Variants in NDST3 observed in about 807,000 individuals in gnomAD.
The protein encoded by NDST3 is bifunctional heparan sulfate N-deacetylase/N-sulfotransferase 3.
NDST3 carries 58 observed loss-of-function variants against 96.1 expected under a neutral mutation model. The ratio of observed to expected loss-of-function variants is 0.60; its 90% CI spans 0.49 to 0.75. The LOEUF is 0.75. NDST3 is among the 30% of genes least tolerant of loss of function. The pLI, the probability that NDST3 is intolerant of heterozygous loss-of-function variation, is 0.00. For missense variants in NDST3, 788 were observed against 1,034.2 expected (o/e 0.76, Z 3.27); for synonymous variants, 333 against 359.7 (o/e 0.93, Z 0.84).
chr4:118,058,446 A>AAAAC (rs1491131261), intron 2 of NDST3, among the ~76,000 whole-genome samples: 1 of 145,984 alleles, frequency 6.9e-6, no homozygotes, highest in Admixed American at 7.0e-5. Context: ...AAAAAAAAAA[A>AAAAC]CAGACCTAAG....
intron 6 of NDST3, among the ~76,000 whole-genome samples, chr4:118,176,751 C>T (rs1319532065): frequency 6.6e-6 from 1 of 152,110 alleles, no homozygotes. Context: ...CTTTGTAAGC[C>T]ATAACCCTTT....
At chr4:118,111,801 T>C (rs1730663911) in intron 3 of NDST3, among the ~76,000 whole-genome samples, 1 of 152,068 alleles carries the variant, frequency 6.6e-6, no homozygotes, top group Non-Finnish European at 1.5e-5. Flanking sequence ...AACTCTTGCA[T>C]GATTCAAATA....
intron 1 of NDST3, among the ~76,000 whole-genome samples, chr4:118,041,750 A>G (rs2110426369): frequency 6.6e-6 from 1 of 152,338 alleles, no homozygotes; most frequent in Non-Finnish European, 1.5e-5. Context: ...GAACATATTC[A>G]TCACTATACT....
chr4:118,218,828 G>A (rs753474681), intron 6 of NDST3, among the ~76,000 whole-genome samples: 19 of 152,122 alleles, frequency 1.2e-4, no homozygotes, highest in Non-Finnish European at 2.5e-4. Context: ...AAGCTGATAA[G>A]TAACTTCAGC....
intron 1 of NDST3, among the ~76,000 whole-genome samples, chr4:118,047,040 A>T (rs2110434819): frequency 6.6e-6 from 1 of 152,350 alleles, no homozygotes; most frequent in East Asian, 1.9e-4. Flanking sequence ...GCACAGCTGC[A>T]AATGTGAGAA....
intron 6 of NDST3, among the ~76,000 whole-genome samples, chr4:118,212,982 T>C (rs1400059166): frequency 6.6e-6 from 1 of 152,212 alleles, no homozygotes; most frequent in Non-Finnish European, 1.5e-5. Context: ...TCTGGAGCTG[T>C]TAAAGCTAAC....
At chr4:118,042,760 ATGT>A (rs1724539482) in intron 1 of NDST3, among the ~76,000 whole-genome samples, 1 of 152,212 alleles carries the variant, frequency 6.6e-6, no homozygotes, top group Non-Finnish European at 1.5e-5. Flanking sequence ...TTTGCCTGAC[ATGT>A]TGTCCCCATC....
At chr4:118,057,404 C>A (rs749924841) in intron 2 of NDST3, among the ~76,000 whole-genome samples, 8 of 151,990 alleles carry the variant, frequency 5.3e-5, no homozygotes, top group Non-Finnish European at 1.0e-4. Flanking sequence ...ATTTCAAATT[C>A]ATCATCCTAT....
chr4:118,149,356 T>C (rs1734206051), intron 6 of NDST3, among the ~76,000 whole-genome samples: 1 of 152,104 alleles, frequency 6.6e-6, no homozygotes, highest in Non-Finnish European at 1.5e-5. Context: ...AGTATGGCCA[T>C]TTTCACGATA....
At chr4:118,231,367 T>C (rs1402779552) in intron 8 of NDST3, among the ~76,000 whole-genome samples, 1 of 150,296 alleles carries the variant, frequency 6.7e-6, no homozygotes, top group Non-Finnish European at 1.5e-5. Context: ...ATAATAATAC[T>C]ATTTAAGTAA....
intron 8 of NDST3, among the ~76,000 whole-genome samples, chr4:118,232,305 G>A (rs1374949151): frequency 6.6e-6 from 1 of 152,002 alleles, no homozygotes; most frequent in African/African-American, 2.4e-5. Flanking sequence ...GAAAATCTAT[G>A]AAATAAGTAG....
chr4:118,078,158 C>T (rs1047119925), intron 2 of NDST3, among the ~76,000 whole-genome samples: 1 of 152,166 alleles, frequency 6.6e-6, no homozygotes, highest in Non-Finnish European at 1.5e-5. Flanking sequence ...CTTCTGGCCT[C>T]TGCACTCAGC....
chr4:118,166,337 C>A (rs1735551066), intron 6 of NDST3, among the ~76,000 whole-genome samples: 1 of 151,666 alleles, frequency 6.6e-6, no homozygotes, highest in African/African-American at 2.4e-5. Context: ...ACATACAACC[C>A]CCAAGACTTC....
intron 12 of NDST3, among the ~76,000 whole-genome samples, chr4:118,243,766 G>C (rs183793533): frequency 4.0e-4 from 61 of 152,272 alleles, no homozygotes; most frequent in African/African-American, 1.5e-3. Flanking sequence ...TATAAAGACA[G>C]AGTTGCTTTT....
chr4:118,054,661 G>A lies in NDST3; in HGVS notation c.751G>A (p.Gly251Ser), dbSNP rs367903213. The A allele has an allele frequency of 1.1e-5, 17 of 1,613,100 alleles. No homozygotes were observed. Among genetic ancestry groups the A allele is most frequent in the South Asian group, 1.1e-5 (1 of 91,060 alleles). ...AAACCTTTCTCCTTCCATCTCTAAA[G>A]GTGCTTTTTATGCCACTATTATACA... ...PENLSPSISK[G>S]AFYATIIHDL... The change falls in exon 2 of 14, where the codon GGT (glycine) becomes AGT (serine). Residue 251 changes from glycine to serine, a missense_variant. By Grantham distance (56) the Gly-to-Ser change is moderately conservative (BLOSUM62 0). Transcript: ENST00000296499.
chr4:118,038,197 G>A (rs562866796), intron 1 of NDST3, among the ~76,000 whole-genome samples: 4 of 152,240 alleles, frequency 2.6e-5, no homozygotes, highest in East Asian at 1.9e-4. Context: ...ATATGTCAGC[G>A]TATTTTGATG....
Position 118,224,582 on chromosome 4 carries a change from G to A in NDST3, c.1631G>A (p.Trp544Ter), listed in dbSNP as rs955812396. The stretch of plus-strand genomic sequence containing the variant: ...AATCTGGCCAACTTTGTGAAGAGCT[G>A]GACCAACCTGCGACTTCAGACTCTG... ...FVNLANFVKS[W>*]TNLRLQTLPP... Residue 544 changes from tryptophan (W) to a stop codon, truncating the protein, a stop_gained, in exon 7 of 14, where the codon TGG (tryptophan) becomes TAG (stop). Coordinates refer to ENST00000296499, the MANE Select transcript of NDST3 (RefSeq NM_004784.3). LOFTEE classifies it high-confidence loss of function. 3.1e-6 allele frequency: 5 copies of A among 1,612,954 alleles called. No individual in the cohort carries two copies. Among genetic ancestry groups the A allele is most frequent in the Non-Finnish European group, 4.2e-6 (5 of 1,179,354 alleles).
At chr4:118,116,100 G>A (rs1731069059) in intron 4 of NDST3, among the ~76,000 whole-genome samples, 1 of 152,114 alleles carries the variant, frequency 6.6e-6, no homozygotes, top group Admixed American at 6.5e-5. Flanking sequence ...ATGTAAAATT[G>A]GTAAAACGGC....
chr4:118,253,391 A>C, intron 12 of NDST3, 108 bp from the exon 13 acceptor site: 1 of 603,504 alleles, frequency 1.7e-6, no homozygotes, highest in Admixed American at 2.9e-5. Flanking sequence ...TATCCAAATA[A>C]AATATTTATG....
Sources: gnomAD v4.1 joint callset for allele counts (sites outside exome capture counted in the v4.1 genomes callset) on GRCh38, gnomAD v4.1.1 for gene constraint, MANE v1.5 for transcripts, NCBI Gene and HGNC (gene_info 2026-07-23, HGNC 2026-07-21) for gene names.